Variants in RYR2 observed in about 807,000 individuals in gnomAD.
RYR2 encodes the protein ryanodine receptor 2.
In RYR2, 227 loss-of-function variants were observed where a neutral mutation model predicts 601.1. That is an observed-to-expected ratio of 0.38 (90% CI 0.34 to 0.42). RYR2 has a LOEUF of 0.42. Among genes scored for constraint, RYR2 ranks in the 10% least tolerant of loss-of-function variants. The pLI, the probability that RYR2 is intolerant of heterozygous loss-of-function variation, is 1.00. For synonymous variants in RYR2, 2,223 were observed against 2,175.1 expected (o/e 1.02, Z -0.61); for missense variants, 4,646 against 6,156.5 (o/e 0.75, Z 8.21).
chr1:237,535,509 AC>A (rs1668525806), intron 25 of RYR2, among the ~76,000 whole-genome samples: 1 of 151,762 alleles, frequency 6.6e-6, no homozygotes, highest in Non-Finnish European at 1.5e-5. Flanking sequence ...ACACACACAC[AC>A]ACACACACGT....
intron 99 of RYR2, 120 bp from the exon 100 acceptor site, chr1:237,808,781 A>C (rs1207530155): frequency 2.4e-6 from 2 of 844,614 alleles, no homozygotes; most frequent in African/African-American, 3.4e-5. Flanking sequence ...TATGGATCCC[A>C]TTAGCTTCTA....
Position 237,614,784 on chromosome 1 carries a change from G to C in RYR2, c.5656G>C (p.Gly1886Arg). The C allele has an allele frequency of 6.2e-7, 1 of 1,609,172 alleles. No individual in the cohort carries two copies. Among genetic ancestry groups the C allele is most frequent in the Non-Finnish European group, 8.5e-7 (1 of 1,176,640 alleles). ...AGCTGGTGAGGAAGAAGCCAAGGGGGGCAAGCGGCCCAAGGAAGGCCTGCT... is the reference window on the plus strand; with the variant it reads ...AGCTGGTGAGGAAGAAGCCAAGGGGCGCAAGCGGCCCAAGGAAGGCCTGCT... ...QGAGEEEAKGGKRPKEGLLQM... is the reference protein window; with the variant it reads ...QGAGEEEAKGRKRPKEGLLQM... The change falls in exon 37 of 105, where the codon GGC (glycine) becomes CGC (arginine). Residue 1886 changes from glycine (G) to arginine (R), a missense_variant. This residue lies in a region of RYR2 where 1,807 missense variants were observed against 2,088.1 expected (regional missense o/e 0.87). Transcript: ENST00000366574. The surrounding 1 kb of genome is among the most constrained non-coding windows in gnomAD (Gnocchi z 4.3).
chr1:237,081,689 A>G (rs561473639), intron 1 of RYR2, among the ~76,000 whole-genome samples: 6 of 151,960 alleles, frequency 3.9e-5, no homozygotes, highest in Non-Finnish European at 8.8e-5. Flanking sequence ...TCCAGCTGGA[A>G]AGATGGTTTT....
chr1:237,393,140 GAGA>G (rs1349501180), intron 10 of RYR2, among the ~76,000 whole-genome samples: 2 of 152,164 alleles, frequency 1.3e-5, no homozygotes, highest in African/African-American at 4.8e-5. Flanking sequence ...GAGGTGGGGA[GAGA>G]AGGAGAGAAA....
intron 3 of RYR2, among the ~76,000 whole-genome samples, chr1:237,342,935 G>A (rs192284428): frequency 2.0e-5 from 3 of 152,190 alleles, no homozygotes; most frequent in South Asian, 4.1e-4. Flanking sequence ...TAGGCCAGGC[G>A]CTGTGGCCCA....
chr1:237,143,768 CT>C (rs946606693), intron 1 of RYR2, among the ~76,000 whole-genome samples: 14 of 152,170 alleles, frequency 9.2e-5, no homozygotes, highest in Non-Finnish European at 1.8e-4. Context: ...CAAATACCCC[CT>C]GTCTGACCAG....
chr1:237,072,962 A>AC (rs1219442971), intron 1 of RYR2, among the ~76,000 whole-genome samples: 1 of 151,328 alleles, frequency 6.6e-6, no homozygotes, highest in Non-Finnish European at 1.5e-5. Flanking sequence ...AAAAAAAAAA[A>AC]AACAAAAACT....
intron 1 of RYR2, among the ~76,000 whole-genome samples, chr1:237,092,921 C>T (rs1318047633): frequency 1.3e-5 from 2 of 152,182 alleles, no homozygotes; most frequent in African/African-American, 4.8e-5. Context: ...GAATTGCCTT[C>T]TCCCTCCACA....
intron 3 of RYR2, among the ~76,000 whole-genome samples, chr1:237,336,784 G>T (rs1697275758): frequency 6.6e-6 from 1 of 152,156 alleles, no homozygotes; most frequent in South Asian, 2.1e-4. Flanking sequence ...TTGAACCCAG[G>T]AGATGGAGGT....
At chr1:237,790,488 C>T (rs996241220) in intron 92 of RYR2, among the ~76,000 whole-genome samples, 6 of 152,076 alleles carry the variant, frequency 3.9e-5, no homozygotes, top group African/African-American at 1.4e-4. Flanking sequence ...CTGGAGTGGG[C>T]CTTCCAAATC....
chr1:237,705,123 T>C, intron 66 of RYR2, 90 bp from the exon 67 acceptor site: 2 of 1,140,732 alleles, frequency 1.8e-6, no homozygotes, highest in Non-Finnish European at 2.6e-6. Flanking sequence ...AATATTATCA[T>C]TCCTTTTAGG....
chr1:237,220,891 C>A (rs1383235142), intron 1 of RYR2, among the ~76,000 whole-genome samples: 1 of 152,038 alleles, frequency 6.6e-6, no homozygotes, highest in Non-Finnish European at 1.5e-5. Context: ...GAATTTGAAA[C>A]CAGCCTGGCC....
chr1:237,165,039 T>G (rs1676525382), intron 1 of RYR2, among the ~76,000 whole-genome samples: 1 of 151,960 alleles, frequency 6.6e-6, no homozygotes, highest in South Asian at 2.1e-4. Flanking sequence ...AGTGGTATGC[T>G]TATAACTCAG....
rs34669763 is a variant in RYR2 at position 237,248,267 on chromosome 1, A to ACCCC, written c.49-22227_49-22224dup. On this transcript the variant is annotated intron_variant, in intron 1 of 104. Transcript: ENST00000366574. ...AGCCTTGACAATAGAGCAAGACTCC[A>ACCCC]CCCCCCGCAACCCCGCCCCCCCCCC... Among the ~76,000 whole-genome samples the ACCCC allele has an allele frequency of 3.5e-5, 2 of 57,354 alleles. 1 individual carries two copies. The highest frequency in any genetic ancestry group is 6.4e-5 in the Non-Finnish European group (2 of 31,304). The allele number at this position is 57,354 out of a possible 152,430, so 37.6% of individuals were successfully genotyped here. A position where few individuals can be genotyped will look rare whatever the true frequency, so the allele number is the denominator to read the frequency against.
rs867870851 is a variant in RYR2 at position 237,761,004 on chromosome 1, G to T, written c.11452G>T (p.Gly3818Trp). ...GCGACAAAACAAAGCTGAAGGTCTT[G>T]GGATGGTGACAGAGGAAGGATCAGG... ...FERQNKAEGL[G>W]MVTEEGSGEK... The change falls in exon 84 of 105, where the codon GGG (glycine) becomes TGG (tryptophan). Residue 3818 changes from glycine to tryptophan, a missense_variant. Coordinates refer to ENST00000366574, the MANE Select transcript of RYR2 (RefSeq NM_001035.3). 1 of 1,579,460 alleles carries T rather than the reference G, an allele frequency of 6.3e-7. No homozygotes were observed.
At chr1:237,128,849 G>A (rs1335934650) in intron 1 of RYR2, among the ~76,000 whole-genome samples, 2 of 152,186 alleles carry the variant, frequency 1.3e-5, no homozygotes, top group Middle Eastern at 3.4e-3. Flanking sequence ...GTTGGATTCC[G>A]GATATATTTT....
chr1:237,551,969 T>G (rs1394001538), intron 27 of RYR2, among the ~76,000 whole-genome samples: 1 of 152,190 alleles, frequency 6.6e-6, no homozygotes, highest in Non-Finnish European at 1.5e-5. Context: ...TCCTGACATA[T>G]TTTAGTCCTT....
intron 43 of RYR2, 46 bp downstream of exon 43, chr1:237,633,756 A>T (rs767794832): frequency 2.0e-6 from 3 of 1,533,054 alleles, no homozygotes; most frequent in Non-Finnish European, 2.6e-6. Context: ...AAATAATATA[A>T]TATTACATTT....
intron 87 of RYR2, among the ~76,000 whole-genome samples, chr1:237,776,739 G>T (rs1236078081): frequency 1.3e-5 from 2 of 152,000 alleles, no homozygotes; most frequent in Non-Finnish European, 2.9e-5. Context: ...GGAAGGAAAG[G>T]TCTCTTCCGG....
Sources: allele counts gnomAD v4.1 joint callset (sites outside exome capture counted in the v4.1 genomes callset), GRCh38; gene constraint gnomAD v4.1.1; regional missense constraint gnomAD v4.1.1; non-coding constraint Gnocchi (gnomAD v3.1); transcripts MANE v1.5; gene names NCBI Gene and HGNC (gene_info 2026-07-23, HGNC 2026-07-21).